CATSPERE: variants seen among roughly 807,000 people sequenced by gnomAD.
The protein encoded by CATSPERE is cation channel sperm-associated auxiliary subunit epsilon.
A neutral mutation model predicts 114.1 loss-of-function variants in CATSPERE; 93 were observed. That is an observed-to-expected ratio of 0.81 (90% CI 0.69 to 0.97). The LOEUF is 0.97. Among genes scored for constraint, CATSPERE ranks in the 50% least tolerant of loss-of-function variants. CATSPERE has a pLI of 0.00. For synonymous variants in CATSPERE, 341 were observed against 384.1 expected, an observed-to-expected ratio of 0.89 and a Z score of 1.31; for missense variants, 1,058 against 1,131.6, an observed-to-expected ratio of 0.93 and a Z score of 0.93.
chr1:244,618,960 T>C (rs1249549528), intron 20 of CATSPERE, among the ~76,000 whole-genome samples: 2 of 152,156 alleles, frequency 1.3e-5, no homozygotes, highest in Admixed American at 6.5e-5. Context: ...GGAAACGATA[T>C]AGTTTCATGT....
Position 244,525,941 on chromosome 1 carries a change from G to A in CATSPERE, c.536+7243G>A, listed in dbSNP as rs115337835. On this transcript the variant is annotated intron_variant, in intron 8 of 21. Transcript: ENST00000366534. ...AAGTAGCCAGTGGTTAAGGCCGTAG[G>A]CTTTTTCCAACCTTCTTCTCCACCA... 9.6e-3 allele frequency among the ~76,000 whole-genome samples: 1,462 copies of A among 152,294 alleles called. 20 individuals carry two copies. The highest frequency in any genetic ancestry group is 0.041 in the South Asian group (198 of 4,828).
At chr1:244,550,441 G>A (rs1006115219) in intron 8 of CATSPERE, among the ~76,000 whole-genome samples, 1 of 152,154 alleles carries the variant, frequency 6.6e-6, no homozygotes, top group Non-Finnish European at 1.5e-5. Flanking sequence ...TGATTGATAA[G>A]GAAAATTGAA....
chr1:244,517,124 T>C (rs1343480703), intron 7 of CATSPERE, among the ~76,000 whole-genome samples: 1 of 151,884 alleles, frequency 6.6e-6, no homozygotes, highest in Non-Finnish European at 1.5e-5. Context: ...ACTAATGTGG[T>C]TTTTGCCTTT....
intron 7 of CATSPERE, among the ~76,000 whole-genome samples, chr1:244,512,323 T>G (rs1444374102): frequency 6.6e-6 from 1 of 152,234 alleles, no homozygotes; most frequent in East Asian, 1.9e-4. Flanking sequence ...AGTCCATTGT[T>G]AAAGCTCTTA....
chr1:244,581,637 CCAGT>C (rs1328275945), intron 11 of CATSPERE, among the ~76,000 whole-genome samples, 155 bp from the exon 12 acceptor site: 7 of 152,130 alleles, frequency 4.6e-5, no homozygotes, highest in African/African-American at 9.7e-5. Context: ...TGTCTATCCA[CCAGT>C]CAATCTTGTT....
intron 8 of CATSPERE, among the ~76,000 whole-genome samples, chr1:244,547,222 T>C (rs755436695): frequency 6.8e-6 from 1 of 147,572 alleles, no homozygotes; most frequent in Non-Finnish European, 1.5e-5. Context: ...CAACCAAGAA[T>C]ACTGTGCTCG....
chr1:244,471,451 G>GCATA lies in CATSPERE; in HGVS notation c.115-6087_115-6084dup, dbSNP rs145741940. On this transcript the variant is annotated intron_variant, in intron 2 of 21. Transcript: ENST00000366534. ...ATATAGTTTGATGACCTTTGGCAAT[G>GCATA]CATACAGTTGCGTTATCACCGTAAT... 4.0e-4 allele frequency among the ~76,000 whole-genome samples: 61 copies of GCATA among 152,264 alleles called. No homozygotes were observed. In the East Asian group the frequency reaches 0.011, roughly 26 times the overall value.
chr1:244,454,629 C>G (rs905639928), intron 1 of CATSPERE: 2 of 151,386 alleles, frequency 1.3e-5, no homozygotes, highest in East Asian at 3.9e-4. Flanking sequence ...AAATTCTTAC[C>G]GGACCGGTTT....
intron 8 of CATSPERE, among the ~76,000 whole-genome samples, chr1:244,531,185 G>A (rs1056159989): frequency 7.0e-6 from 1 of 143,852 alleles, no homozygotes; most frequent in Non-Finnish European, 1.5e-5. Context: ...GCAGTGAGGA[G>A]AGATAGAGCC....
At chr1:244,617,450 C>T in intron 19 of CATSPERE, 79 bp from the exon 20 acceptor site, 2 of 1,132,532 alleles carry the variant, frequency 1.8e-6, no homozygotes. Flanking sequence ...AAATAATTTT[C>T]CAAGATAAAT....
intron 10 of CATSPERE, among the ~76,000 whole-genome samples, chr1:244,565,502 T>C (rs1277313448): frequency 1.3e-5 from 2 of 152,236 alleles, no homozygotes; most frequent in Non-Finnish European, 1.5e-5. Flanking sequence ...CAGCAATTTA[T>C]CCATTTCTTC....
chr1:244,469,632 A>AG (rs1281526615), intron 2 of CATSPERE, among the ~76,000 whole-genome samples: 1 of 152,236 alleles, frequency 6.6e-6, no homozygotes, highest in East Asian at 1.9e-4. Context: ...AGGAAGCCCA[A>AG]GGAATCTAAC....
chr1:244,490,681 C>G (rs991997999), intron 6 of CATSPERE, among the ~76,000 whole-genome samples: 1 of 152,008 alleles, frequency 6.6e-6, no homozygotes, highest in East Asian at 1.9e-4. Flanking sequence ...GATCTTCCCC[C>G]CTTTTACTTC....
rs537773092 is a variant in CATSPERE at position 244,546,086 on chromosome 1, A to G, written c.537-6236A>G. Among the ~76,000 whole-genome samples, 4 of 152,350 alleles carry G rather than the reference A, an allele frequency of 2.6e-5. No homozygotes were observed. In the South Asian group the frequency reaches 8.3e-4, roughly 32 times the overall value. On this transcript the variant is annotated intron_variant, in intron 8 of 21. Transcript: ENST00000366534. The stretch of plus-strand genomic sequence containing the variant: ...GGAATTGACCCAATCTCTGGCCTGC[A>G]TCACTGCCAGCTGACTACAGAGGCC...
chr1:244,551,457 GAGA>G (rs1660612738), intron 8 of CATSPERE, among the ~76,000 whole-genome samples: 1 of 152,200 alleles, frequency 6.6e-6, no homozygotes, highest in Admixed American at 6.5e-5. Flanking sequence ...TGTATGTAGA[GAGA>G]AGAAAACATA....
At chr1:244,535,034 G>GA (rs1377000070) in intron 8 of CATSPERE, among the ~76,000 whole-genome samples, 5 of 152,080 alleles carry the variant, frequency 3.3e-5, no homozygotes, top group Non-Finnish European at 7.4e-5. Flanking sequence ...GGTGGTCTTG[G>GA]AAAAAATCTG....
At chr1:244,608,266 C>T (rs1042446528) in intron 18 of CATSPERE, among the ~76,000 whole-genome samples, 2 of 152,068 alleles carry the variant, frequency 1.3e-5, no homozygotes, top group African/African-American at 4.8e-5. Context: ...GGCATGGTGG[C>T]TCACACCTAT....
chr1:244,574,274 A>C (rs1190160760), intron 11 of CATSPERE, among the ~76,000 whole-genome samples: 1 of 152,244 alleles, frequency 6.6e-6, no homozygotes, highest in African/African-American at 2.4e-5. Context: ...GAGCACGTCC[A>C]GCACAGATAT....
chr1:244,463,374 A>T (rs2148069880), intron 1 of CATSPERE, among the ~76,000 whole-genome samples: 1 of 152,076 alleles, frequency 6.6e-6, no homozygotes, highest in Non-Finnish European at 1.5e-5. Flanking sequence ...CCCTGTCTTT[A>T]CTAAAAAATA....
Sources: gnomAD v4.1 joint callset for allele counts (sites outside exome capture counted in the v4.1 genomes callset) on GRCh38, gnomAD v4.1.1 for gene constraint, MANE v1.5 for transcripts, NCBI Gene and HGNC (gene_info 2026-07-23, HGNC 2026-07-21) for gene names.